The following CACNA2D3 variants were observed in gnomAD, a reference collection of about 807,000 sequenced individuals.
The protein encoded by CACNA2D3 is calcium voltage-gated channel auxiliary subunit alpha2delta 3, also known as voltage-dependent calcium channel subunit alpha-2/delta-3.
In CACNA2D3, 60 loss-of-function variants were observed where a neutral mutation model predicts 160.6. The ratio of observed to expected loss-of-function variants is 0.37; its 90% CI spans 0.30 to 0.46. CACNA2D3 has a LOEUF of 0.46. Ranked by LOEUF, CACNA2D3 falls within the 20% of genes least tolerant of loss-of-function variation. The pLI, the probability that CACNA2D3 is intolerant of heterozygous loss-of-function variation, is 1.00. For missense variants in CACNA2D3, 1,205 were observed against 1,365.0 expected, an observed-to-expected ratio of 0.88 and a Z score of 1.85; for synonymous variants, 558 against 492.9, an observed-to-expected ratio of 1.13 and a Z score of -1.75.
intron 4 of CACNA2D3, among the ~76,000 whole-genome samples, chr3:54,439,776 C>G (rs1700114862): frequency 6.6e-6 from 1 of 152,186 alleles, no homozygotes. Context: ...TGATGGGAGA[C>G]TGAGTCCTCC....
intron 27 of CACNA2D3, among the ~76,000 whole-genome samples, chr3:54,941,048 G>C (rs752578056): frequency 1.3e-5 from 2 of 152,172 alleles, no homozygotes; most frequent in Non-Finnish European, 2.9e-5. Context: ...CTTTTCTCCA[G>C]TGATTAAAGC....
intron 11 of CACNA2D3, among the ~76,000 whole-genome samples, chr3:54,744,195 C>T (rs1701705903): frequency 6.6e-6 from 1 of 152,176 alleles, no homozygotes; most frequent in East Asian, 1.9e-4. Flanking sequence ...AAAACTGTCG[C>T]AGAATGGGCA....
chr3:54,320,204 A>T (rs1703956354), intron 2 of CACNA2D3, among the ~76,000 whole-genome samples: 1 of 152,246 alleles, frequency 6.6e-6, no homozygotes, highest in Admixed American at 6.5e-5. Context: ...AATTGGGTTA[A>T]GATATATTCC....
chr3:54,270,134 A>T (rs1390709700), intron 2 of CACNA2D3, among the ~76,000 whole-genome samples: 1 of 152,194 alleles, frequency 6.6e-6, no homozygotes. Flanking sequence ...TCTCGTGTTC[A>T]GCATTCTCCT....
chr3:54,123,452 TGCGTGC>T (rs1390193408), intron 1 of CACNA2D3, 55 bp from the exon 2 acceptor site: 6 of 1,077,290 alleles, frequency 5.6e-6, no homozygotes, highest in African/African-American at 3.1e-5. Context: ...CGTGTGCGTG[TGCGTGC>T]GTGTTGACTG....
chr3:54,549,500 C>T (rs1217088213), intron 5 of CACNA2D3, among the ~76,000 whole-genome samples: 1 of 152,110 alleles, frequency 6.6e-6, no homozygotes, highest in African/African-American at 2.4e-5. Flanking sequence ...CCTGAACTTG[C>T]CCCCGTTCCC....
intron 13 of CACNA2D3, among the ~76,000 whole-genome samples, chr3:54,806,877 C>G (rs1478366436): frequency 6.6e-6 from 1 of 152,114 alleles, no homozygotes; most frequent in Admixed American, 6.6e-5. Flanking sequence ...TGGAACAGAA[C>G]AGAGCCCTCA....
chr3:54,154,094 C>A (rs116776023), intron 2 of CACNA2D3, among the ~76,000 whole-genome samples: 45 of 152,226 alleles, frequency 3.0e-4, no homozygotes, highest in African/African-American at 1.1e-3. Flanking sequence ...TTTTTAACTC[C>A]CGATAATAAG....
At chr3:54,443,012 C>T (rs1700168118) in intron 4 of CACNA2D3, among the ~76,000 whole-genome samples, 1 of 152,160 alleles carries the variant, frequency 6.6e-6, no homozygotes, top group African/African-American at 2.4e-5. Context: ...GTAGAAATGG[C>T]TGTTAATACC....
intron 11 of CACNA2D3, among the ~76,000 whole-genome samples, chr3:54,700,547 A>G (rs1361143644): frequency 1.3e-5 from 2 of 152,222 alleles, no homozygotes; most frequent in East Asian, 3.8e-4. Context: ...TCTGTTGGAC[A>G]TTGTTTCTCC....
chr3:55,048,635 C>T (rs202160031), intron 35 of CACNA2D3, among the ~76,000 whole-genome samples: 9 of 134,752 alleles, frequency 6.7e-5, no homozygotes, highest in African/African-American at 1.2e-4. Flanking sequence ...CTAGGGAGGA[C>T]TCCCTCTTTT....
intron 9 of CACNA2D3, among the ~76,000 whole-genome samples, chr3:54,621,850 G>A (rs1698993649): frequency 6.6e-6 from 1 of 152,238 alleles, no homozygotes; most frequent in Non-Finnish European, 1.5e-5. Flanking sequence ...CGTTGGAGAT[G>A]TAGTCTGTTT....
At chr3:54,241,256 T>C (rs1701968882) in intron 2 of CACNA2D3, among the ~76,000 whole-genome samples, 1 of 152,212 alleles carries the variant, frequency 6.6e-6, no homozygotes, top group South Asian at 2.1e-4. Context: ...GGCTGTTGTT[T>C]AATGATCATG....
intron 10 of CACNA2D3, among the ~76,000 whole-genome samples, chr3:54,636,074 G>T (rs931462645): frequency 3.3e-5 from 5 of 151,888 alleles, no homozygotes; most frequent in African/African-American, 1.2e-4. Flanking sequence ...AATCCCTGAG[G>T]AGTAGTAGAA....
chr3:54,592,887 C>T lies in CACNA2D3; in HGVS notation c.963+11010C>T, dbSNP rs952294690. The stretch of plus-strand genomic sequence containing the variant: ...TTTTCCCCAGTACTTTTCTTTCAGC[C>T]TGAGATTTGTCAATGGAGGCACTCT... On this transcript the variant is annotated intron_variant, in intron 9 of 37. Coordinates refer to ENST00000474759, the MANE Select transcript of CACNA2D3 (RefSeq NM_018398.3). Among the ~76,000 whole-genome samples, 3 of 152,268 alleles carry T rather than the reference C, an allele frequency of 2.0e-5. 1 individual carries two copies. Among genetic ancestry groups the T allele is most frequent in the Admixed American group, 6.5e-5 (1 of 15,290 alleles).
At chr3:54,904,922 C>T (rs956618969) in intron 27 of CACNA2D3, among the ~76,000 whole-genome samples, 1 of 152,082 alleles carries the variant, frequency 6.6e-6, no homozygotes, top group Non-Finnish European at 1.5e-5. Flanking sequence ...TTTTGTGTCC[C>T]ATCCCAAAAG....
At chr3:54,157,579 C>T (rs575358573) in intron 2 of CACNA2D3, among the ~76,000 whole-genome samples, 6 of 152,184 alleles carry the variant, frequency 3.9e-5, no homozygotes, top group East Asian at 3.9e-4. Flanking sequence ...TCCCTGAGGT[C>T]GGGAGTTCGA....
rs142509501 is a variant in CACNA2D3, at chr3:55,002,930, A to G, written c.2691-1833A>G. Among the ~76,000 whole-genome samples, 432 of 152,294 alleles carry G rather than the reference A, an allele frequency of 2.8e-3. 1 individual carries two copies. The highest frequency in any genetic ancestry group is 9.9e-3 in the African/African-American group (412 of 41,572). On this transcript the variant is annotated intron_variant, in intron 31 of 37. Coordinates refer to ENST00000474759, the MANE Select transcript of CACNA2D3 (RefSeq NM_018398.3). Reference sequence around the variant, plus strand: ...TCCACATCACATTTTGCAGTTGACCACTTTGTTCTCATCATCTGTGTAACA... The same window carrying G: ...TCCACATCACATTTTGCAGTTGACCGCTTTGTTCTCATCATCTGTGTAACA...
intron 2 of CACNA2D3, among the ~76,000 whole-genome samples, chr3:54,133,914 A>G (rs1699766468): frequency 6.6e-6 from 1 of 152,208 alleles, no homozygotes; most frequent in African/African-American, 2.4e-5. Context: ...CAGGGCCTCA[A>G]GTTCCTTACC....
Sources: allele counts gnomAD v4.1 joint callset (sites outside exome capture counted in the v4.1 genomes callset), GRCh38; gene constraint gnomAD v4.1.1; transcripts MANE v1.5; gene names NCBI Gene and HGNC (gene_info 2026-07-23, HGNC 2026-07-21).